PRUNE2: variants seen among roughly 807,000 people sequenced by gnomAD.
The protein encoded by PRUNE2 is prune homolog 2 with BCH domain, also known as protein prune homolog 2.
Under a neutral mutation model 252.0 loss-of-function variants are expected in PRUNE2, and 164 were observed. That is an observed-to-expected ratio of 0.65 (90% CI 0.57 to 0.74). PRUNE2 has a LOEUF of 0.74. Among genes scored for constraint, PRUNE2 ranks in the 30% least tolerant of loss-of-function variants. The pLI, the probability that PRUNE2 is intolerant of heterozygous loss-of-function variation, is 0.00. For missense variants in PRUNE2, 3,495 were observed against 3,711.0 expected (o/e 0.94, Z 1.51); for synonymous variants, 1,292 against 1,350.2 (o/e 0.96, Z 0.94).
chr9:76,756,915 C>T (rs1262357468), intron 6 of PRUNE2, among the ~76,000 whole-genome samples: 2 of 148,572 alleles, frequency 1.3e-5, no homozygotes, highest in Non-Finnish European at 3.0e-5. Flanking sequence ...ATAGCCAATG[C>T]AAGCAAAGTG....
chr9:76,877,709 G>C (rs960018883), intron 1 of PRUNE2, among the ~76,000 whole-genome samples: 1 of 152,190 alleles, frequency 6.6e-6, no homozygotes, highest in Admixed American at 6.5e-5. Flanking sequence ...AAGCATCGGT[G>C]AATGAATAAT....
intron 6 of PRUNE2, among the ~76,000 whole-genome samples, chr9:76,819,154 G>A (rs542511734): frequency 2.0e-5 from 3 of 152,144 alleles, no homozygotes; most frequent in Non-Finnish European, 4.4e-5. Context: ...GGAGGATGAG[G>A]TGGGAGGATC....
At chr9:76,816,929 C>T (rs2057731493) in intron 6 of PRUNE2, among the ~76,000 whole-genome samples, 1 of 152,158 alleles carries the variant, frequency 6.6e-6, no homozygotes, top group Non-Finnish European at 1.5e-5. Flanking sequence ...ATCCTTTTTC[C>T]TATTACTTTT....
At chr9:76,717,781 G>A (rs2047286994) in intron 6 of PRUNE2, among the ~76,000 whole-genome samples, 1 of 152,154 alleles carries the variant, frequency 6.6e-6, no homozygotes, top group Non-Finnish European at 1.5e-5. Context: ...CTGGGAATTG[G>A]CTGGCAAAAT....
chr9:76,821,008 A>G (rs985589695), intron 6 of PRUNE2, among the ~76,000 whole-genome samples: 1 of 152,224 alleles, frequency 6.6e-6, no homozygotes, highest in Non-Finnish European at 1.5e-5. Context: ...GTCAGATACC[A>G]TCAGTACCCT....
At position 76,710,920 on chromosome 9, in the gene PRUNE2, C is replaced by T. The variant is rs199800498; in HGVS notation, c.1354G>A (p.Val452Met). ...TGGTGAGGCCCAGCACCTTCTCCCA[C>T]GGGGCTGTCGTCACTGAGGAAAACA... Reference protein sequence around the residue: ...SSVFLSDDSPVGEGAGPHHTL... With the variant: ...SSVFLSDDSPMGEGAGPHHTL... The change falls in exon 8 of 19, where the codon GTG (valine) becomes ATG (methionine). Residue 452 changes from valine (V) to methionine (M), a missense_variant. Val to Met is a conservative substitution (Grantham distance 21). Transcript: ENST00000376718. 6.0e-4 allele frequency: 932 copies of T among 1,561,858 alleles called. 1 individual carries two copies. The highest frequency in any genetic ancestry group is 7.6e-4 in the Non-Finnish European group (875 of 1,153,854).
intron 6 of PRUNE2, among the ~76,000 whole-genome samples, chr9:76,773,837 T>C (rs2053401211): frequency 6.6e-6 from 1 of 152,170 alleles, no homozygotes; most frequent in Non-Finnish European, 1.5e-5. Flanking sequence ...GAAACTTACT[T>C]AGGAGACCCC....
intron 15 of PRUNE2, among the ~76,000 whole-genome samples, chr9:76,630,071 C>T (rs370869582): frequency 9.9e-5 from 15 of 152,188 alleles, no homozygotes; most frequent in African/African-American, 3.1e-4. Context: ...ATATATTGTG[C>T]GGCCTCCCGG....
intron 6 of PRUNE2, among the ~76,000 whole-genome samples, chr9:76,783,503 T>C (rs911609515): frequency 2.0e-5 from 3 of 152,182 alleles, no homozygotes; most frequent in African/African-American, 4.8e-5. Context: ...GGCACTGCAC[T>C]AGTGACTTTA....
intron 4 of PRUNE2, among the ~76,000 whole-genome samples, chr9:76,843,320 G>C (rs1011162407): frequency 2.0e-5 from 3 of 152,058 alleles, no homozygotes; most frequent in African/African-American, 7.2e-5. Context: ...ACCGGGGCCT[G>C]TTGGGGATGG....
intron 12 of PRUNE2, 61 bp downstream of exon 12, chr9:76,644,678 T>C (rs985173463): frequency 5.9e-6 from 9 of 1,535,334 alleles, no homozygotes; most frequent in African/African-American, 2.7e-5. Flanking sequence ...ACTCACTTCA[T>C]GATTTTAAAT....
intron 6 of PRUNE2, among the ~76,000 whole-genome samples, chr9:76,724,202 T>A (rs2047896609): frequency 7.0e-6 from 1 of 143,756 alleles, no homozygotes; most frequent in Admixed American, 7.2e-5. Flanking sequence ...CTCATGCTTA[T>A]AATCGCAGCA....
chr9:76,843,725 CTTTTTTTT>C (rs71501394), intron 4 of PRUNE2, among the ~76,000 whole-genome samples: 1 of 128,166 alleles, frequency 7.8e-6, no homozygotes, highest in Admixed American at 8.0e-5. Context: ...CTTGATTCCT[CTTTTTTTT>C]TTTTTTTTTT....
intron 9 of PRUNE2, among the ~76,000 whole-genome samples, chr9:76,678,919 T>C (rs1040728334): frequency 2.1e-4 from 32 of 152,324 alleles, no homozygotes; most frequent in African/African-American, 7.0e-4. Context: ...CCAAGAGATA[T>C]GTGGGCCTCT....
intron 12 of PRUNE2, chr9:76,641,955 A>G (rs1842775192): frequency 3.9e-6 from 6 of 1,528,288 alleles, no homozygotes; most frequent in East Asian, 4.9e-5. Flanking sequence ...GTCCAGCAAG[A>G]CTTCAGAGAA....
chr9:76,774,312 T>G (rs918407744), intron 6 of PRUNE2, among the ~76,000 whole-genome samples: 6 of 151,636 alleles, frequency 4.0e-5, no homozygotes, highest in African/African-American at 1.2e-4. Context: ...ATTTTTTGTA[T>G]TTTTTTGTAA....
chr9:76,836,315 T>C (rs2058966163), intron 4 of PRUNE2, among the ~76,000 whole-genome samples: 1 of 108,276 alleles, frequency 9.2e-6, no homozygotes. Flanking sequence ...CATGACTGTA[T>C]GATGTGACTT....
intron 11 of PRUNE2, among the ~76,000 whole-genome samples, chr9:76,650,177 T>A (rs567815238): frequency 6.6e-6 from 1 of 151,834 alleles, no homozygotes; most frequent in East Asian, 1.9e-4. Flanking sequence ...GTTCTAGTTA[T>A]AAAATGAAAT....
intron 6 of PRUNE2, among the ~76,000 whole-genome samples, chr9:76,725,426 C>T (rs1322692037): frequency 6.6e-6 from 1 of 152,204 alleles, no homozygotes; most frequent in African/African-American, 2.4e-5. Context: ...GGCAGATATC[C>T]TGATGGGTCT....
Sources: gnomAD v4.1 joint callset for allele counts (sites outside exome capture counted in the v4.1 genomes callset) on GRCh38, gnomAD v4.1.1 for gene constraint, MANE v1.5 for transcripts, NCBI Gene and HGNC (gene_info 2026-07-23, HGNC 2026-07-21) for gene names.